TRIM16: variants seen among roughly 807,000 people sequenced by gnomAD.
The protein encoded by TRIM16 is tripartite motif-containing protein 16.
A neutral mutation model predicts 50.4 loss-of-function variants in TRIM16; 33 were observed. The ratio of observed to expected loss-of-function variants is 0.65; its 90% CI spans 0.50 to 0.88. TRIM16 has a LOEUF of 0.88. Among genes scored for constraint, TRIM16 ranks in the 40% least tolerant of loss-of-function variants. The probability of loss-of-function intolerance (pLI) is 0.00; values close to 1 mark genes in which losing one functional copy is unlikely to be tolerated. For missense variants in TRIM16, 581 were observed against 686.8 expected, an observed-to-expected ratio of 0.85 and a Z score of 1.72; for synonymous variants, 229 against 270.7, an observed-to-expected ratio of 0.85 and a Z score of 1.51.
Position 15,629,127 on chromosome 17 carries a change from C to T in TRIM16, c.1183G>A (p.Val395Ile). 2 of 1,613,288 alleles carry T rather than the reference C, an allele frequency of 1.2e-6. No individual in the cohort carries two copies. The highest frequency in any genetic ancestry group is 1.7e-6 in the Non-Finnish European group (2 of 1,179,480). ...TGCTCCCAGGGCGTGGTGTTGGTGA[C>T]CTTGCGGTTCTCCTCCTGCAGCCGG... is the stretch of plus-strand genomic sequence containing the variant. ...YLRLQEENRK[V>I]TNTTPWEHPY... Residue 395 changes from valine (V) to isoleucine (I), a missense_variant, in exon 12 of 12, where the codon GTC becomes ATC. Transcript: ENST00000649191.
chr17:15,639,247 C>T lies in TRIM16; in HGVS notation c.616-2978G>A, dbSNP rs1278931795. On this transcript the variant is annotated intron_variant, in intron 8 of 11. Transcript: ENST00000649191. ...TTTTTGTAGAGATAGGAGCTTACTA[C>T]GTTGCCCAGGCTGGTCTCAAACTCC... 6.2e-5 allele frequency among the ~76,000 whole-genome samples: 9 copies of T among 144,948 alleles called. 1 individual carries two copies. The highest frequency in any genetic ancestry group is 1.4e-4 in the Non-Finnish European group (9 of 66,128).
chr17:15,661,274 A>C (rs1268693224), intron 6 of TRIM16, among the ~76,000 whole-genome samples: 1 of 152,226 alleles, frequency 6.6e-6, no homozygotes, highest in African/African-American at 2.4e-5. Flanking sequence ...GCAAATGCAA[A>C]GGAACTTGTA....
At chr17:15,637,143 G>T (rs1330674218) in intron 8 of TRIM16, among the ~76,000 whole-genome samples, 1 of 139,478 alleles carries the variant, frequency 7.2e-6, no homozygotes, top group Non-Finnish European at 1.6e-5. Context: ...CCCCCGCCCG[G>T]CCAGCCGCCC....
intron 6 of TRIM16, among the ~76,000 whole-genome samples, chr17:15,663,629 C>T (rs1021448369): frequency 2.6e-5 from 4 of 152,142 alleles, no homozygotes; most frequent in Admixed American, 6.5e-5. Context: ...TGTAAGATAA[C>T]GTGTCCTTAT....
chr17:15,669,048 A>G (rs1418656773), intron 6 of TRIM16, among the ~76,000 whole-genome samples: 4 of 152,104 alleles, frequency 2.6e-5, no homozygotes, highest in Admixed American at 2.6e-4. Flanking sequence ...AGGAAAAGAC[A>G]TTCAACATTA....
intron 7 of TRIM16, among the ~76,000 whole-genome samples, chr17:15,645,686 T>C (rs1367731959): frequency 6.6e-6 from 1 of 152,220 alleles, no homozygotes; most frequent in Non-Finnish European, 1.5e-5. Context: ...CATTCTCCAC[T>C]GAAGACTGGG....
chr17:15,681,348 C>T (rs138775357), intron 3 of TRIM16: 3,883 of 159,518 alleles, frequency 0.024, 128 homozygotes, highest in African/African-American at 0.09. Context: ...GGAGTCACAG[C>T]AGCAAAAGAC....
intron 6 of TRIM16, among the ~76,000 whole-genome samples, chr17:15,671,543 C>T (rs908532878): frequency 2.0e-5 from 3 of 151,180 alleles, no homozygotes; most frequent in Non-Finnish European, 2.9e-5. Context: ...ATCAAATATA[C>T]GATATATATC....
At chr17:15,668,172 A>G (rs1988579361) in intron 6 of TRIM16, among the ~76,000 whole-genome samples, 1 of 152,174 alleles carries the variant, frequency 6.6e-6, no homozygotes, top group Non-Finnish European at 1.5e-5. Context: ...TGTGCTCTAC[A>G]TGGACTCCAG....
At position 15,636,278 on chromosome 17, in the gene TRIM16, G is replaced by A. The variant is rs767477577; in HGVS notation, c.616-9C>T. 1 of 1,607,958 alleles carries A rather than the reference G, an allele frequency of 6.2e-7. No homozygotes were observed. The highest frequency in any genetic ancestry group is 8.5e-7 in the Non-Finnish European group (1 of 1,177,824). On this transcript the variant is annotated splice_polypyrimidine_tract_variant and intron_variant, in intron 8 of 11. Transcript: ENST00000649191. ...ACCTCTGACACCGACACCTGGCAGG[G>A]GGTGGGGGTGGAAGGCAGCCAAACA...
intron 8 of TRIM16, among the ~76,000 whole-genome samples, 164 bp from the exon 9 acceptor site, chr17:15,636,433 T>C (rs1364533614): frequency 1.3e-5 from 2 of 149,938 alleles, no homozygotes; most frequent in African/African-American, 5.0e-5. Flanking sequence ...TCCAGGTTCC[T>C]GGAAAAAGGA....
chr17:15,663,735 T>C (rs367678073), intron 6 of TRIM16, among the ~76,000 whole-genome samples: 22 of 152,112 alleles, frequency 1.4e-4, no homozygotes, highest in East Asian at 1.4e-3. Flanking sequence ...CAGCTTGGGG[T>C]CCAAAACTGG....
intron 3 of TRIM16, 63 bp from the exon 4 acceptor site, chr17:15,681,016 A>T: frequency 7.5e-7 from 1 of 1,327,868 alleles, no homozygotes; most frequent in Non-Finnish European, 1.0e-6. Context: ...CTATGAATTT[A>T]GAAACAGCCA....
intron 6 of TRIM16, among the ~76,000 whole-genome samples, chr17:15,667,473 C>CT (rs1442269293): frequency 1.3e-5 from 2 of 152,180 alleles, no homozygotes; most frequent in Admixed American, 6.6e-5. Context: ...AATAGGACTT[C>CT]TGATTGTTTT....
At position 15,677,171 on chromosome 17, in the gene TRIM16, C is replaced by A. The variant is rs766959639; in HGVS notation, c.-338+5G>T. On this transcript the variant is annotated splice_donor_5th_base_variant and intron_variant, in intron 6 of 11. Transcript: ENST00000649191. ...AAAGATGCAATCTGCCTTGTTCTCA[C>A]TTACGTGTACCGCTGCTTCTTGGCA... The A allele has an allele frequency of 3.8e-5, 37 of 979,970 alleles. No individual in the cohort carries two copies. The highest frequency in any genetic ancestry group is 4.5e-5 in the Non-Finnish European group (37 of 829,688). The allele number at this position is 979,970 out of a possible 1,614,324, so 60.7% of individuals were successfully genotyped here.
At position 15,651,074 on chromosome 17, in the gene TRIM16, G is replaced by A. The variant is rs781057869; in HGVS notation, c.519+17C>T. On this transcript the variant is annotated intron_variant, in intron 7 of 11. Transcript: ENST00000649191. ...ACCGCCCTCTCCCAAATGGATGAAT[G>A]GTCCCCAAGCACTCACCTCCTTGTC... 4 of 1,588,340 alleles carry A rather than the reference G, an allele frequency of 2.5e-6. No homozygotes were observed. The highest frequency in any genetic ancestry group is 4.5e-5 in the East Asian group (2 of 44,598).
Position 15,642,955 on chromosome 17 carries a change from C to T in TRIM16, c.520-139G>A, listed in dbSNP as rs1312401426. On this transcript the variant is annotated intron_variant, in intron 7 of 11. Transcript: ENST00000649191. ...TCTGTGGCTGATCTCAGAAACCAGC[C>T]GGGAGGCACGAAGGGTTGGCGGTGA... 6 of 446,706 alleles carry T rather than the reference C, an allele frequency of 1.3e-5. 1 individual carries two copies. Among genetic ancestry groups the T allele is most frequent in the Non-Finnish European group, 1.3e-5 (4 of 317,350 alleles). 27.7% of individuals were successfully genotyped at this position (446,706 alleles called of 1,614,324 possible). A position where few individuals can be genotyped will look rare whatever the true frequency, so the allele number is the denominator to read the frequency against.
chr17:15,648,406 T>C (rs1987522488), intron 7 of TRIM16, among the ~76,000 whole-genome samples: 1 of 152,094 alleles, frequency 6.6e-6, no homozygotes, highest in South Asian at 2.1e-4. Context: ...GCACACAGTG[T>C]CTGCCCACTG....
In TRIM16 at chr17:15,651,352, T is replaced by C. The variant is rs748229826; in HGVS notation, c.258A>G (p.Arg86=). The change falls in exon 7 of 12, where the codon AGA becomes AGG. Residue 86 remains arginine, a synonymous_variant. Coordinates refer to ENST00000649191, the MANE Select transcript of TRIM16 (RefSeq NM_001348119.1). ...LCDFCLDDTR[R]VKAVKSCLTC... ...TTAGACAGGACTTCACTGCCTTCACTCTTCTGGTGTCATCAAGGCAGAAGT... is the reference window on the plus strand; with the variant it reads ...TTAGACAGGACTTCACTGCCTTCACCCTTCTGGTGTCATCAAGGCAGAAGT... 1.2e-6 allele frequency: 2 copies of C among 1,614,054 alleles called. No individual in the cohort carries two copies. Among genetic ancestry groups the C allele is most frequent in the Non-Finnish European group, 1.7e-6 (2 of 1,180,024 alleles).
Sources: gnomAD v4.1 joint callset for allele counts (sites outside exome capture counted in the v4.1 genomes callset) on GRCh38, gnomAD v4.1.1 for gene constraint, MANE v1.5 for transcripts, NCBI Gene and HGNC (gene_info 2026-07-23, HGNC 2026-07-21) for gene names.